Variants in KCNQ3 observed in about 807,000 individuals in gnomAD.
KCNQ3 encodes potassium voltage-gated channel subfamily Q member 3, also known as potassium voltage-gated channel subfamily KQT member 3.
Under a neutral mutation model 92.5 loss-of-function variants are expected in KCNQ3, and 30 were observed. That is an observed-to-expected ratio of 0.32 (90% CI 0.24 to 0.44). The LOEUF is 0.44. KCNQ3 is among the 20% of genes least tolerant of loss of function. KCNQ3 has a pLI of 1.00. For missense variants in KCNQ3, 913 were observed against 1,140.3 expected, an observed-to-expected ratio of 0.80 and a Z score of 2.87; for synonymous variants, 450 against 468.8, an observed-to-expected ratio of 0.96 and a Z score of 0.52.
chr8:132,392,388 C>G (rs1820071399), intron 1 of KCNQ3, among the ~76,000 whole-genome samples: 1 of 152,094 alleles, frequency 6.6e-6, no homozygotes, highest in Non-Finnish European at 1.5e-5. Flanking sequence ...CATGCGCTCT[C>G]CTCTTCCTAA....
At chr8:132,287,034 T>C (rs1391620985) in intron 1 of KCNQ3, among the ~76,000 whole-genome samples, 4 of 152,162 alleles carry the variant, frequency 2.6e-5, no homozygotes, top group Non-Finnish European at 5.9e-5. Flanking sequence ...CAAGCCAAAA[T>C]AAACCTCTTT....
At position 132,370,744 on chromosome 8, in the gene KCNQ3, A is replaced by T. The variant is rs189471150; in HGVS notation, c.386+109403T>A. 5.4e-4 allele frequency among the ~76,000 whole-genome samples: 82 copies of T among 152,310 alleles called. 1 individual carries two copies. The highest frequency in any genetic ancestry group is 4.7e-3 in the Admixed American group (72 of 15,302). On this transcript the variant is annotated intron_variant, in intron 1 of 14. Transcript: ENST00000388996. ...CTTACTGGTACTATTGGAAATAATA[A>T]TTTGTTAATAAAAATATTAACAATA...
intron 1 of KCNQ3, among the ~76,000 whole-genome samples, chr8:132,441,654 G>A (rs1025458381): frequency 5.3e-5 from 8 of 152,164 alleles, no homozygotes; most frequent in African/African-American, 9.7e-5. Context: ...TGGGATTGCT[G>A]GGTTGAATGG....
intron 1 of KCNQ3, among the ~76,000 whole-genome samples, chr8:132,357,487 G>A (rs1297960605): frequency 6.6e-6 from 1 of 152,168 alleles, no homozygotes; most frequent in East Asian, 1.9e-4. Context: ...CACCAGGGTC[G>A]CTCTCTGCCC....
At chr8:132,348,168 C>T (rs1275064379) in intron 1 of KCNQ3, among the ~76,000 whole-genome samples, 1 of 151,776 alleles carries the variant, frequency 6.6e-6, no homozygotes, top group Non-Finnish European at 1.5e-5. Flanking sequence ...AACTCTAAGT[C>T]CCACCCTAGG....
At chr8:132,290,247 T>C (rs1586899714) in intron 1 of KCNQ3, among the ~76,000 whole-genome samples, 1 of 152,206 alleles carries the variant, frequency 6.6e-6, no homozygotes, top group Non-Finnish European at 1.5e-5. Context: ...ATGTCTTGTA[T>C]TCCTTGAGGT....
intron 1 of KCNQ3, among the ~76,000 whole-genome samples, chr8:132,361,729 A>G (rs1819178618): frequency 6.6e-6 from 1 of 152,208 alleles, no homozygotes; most frequent in Non-Finnish European, 1.5e-5. Flanking sequence ...CAGAAAAACA[A>G]AATTCTTAAT....
At chr8:132,372,567 C>T (rs926228031) in intron 1 of KCNQ3, among the ~76,000 whole-genome samples, 6 of 151,876 alleles carry the variant, frequency 4.0e-5, no homozygotes, top group African/African-American at 1.5e-4. Flanking sequence ...ACCAGCCTGA[C>T]CAACATGGTG....
At chr8:132,292,827 T>A (rs1422562032) in intron 1 of KCNQ3, among the ~76,000 whole-genome samples, 1 of 152,284 alleles carries the variant, frequency 6.6e-6, no homozygotes, top group East Asian at 1.9e-4. Flanking sequence ...AGTGCCAGAC[T>A]CTAATCTGAT....
At chr8:132,149,118 T>C (rs541490852) in intron 9 of KCNQ3, among the ~76,000 whole-genome samples, 1 of 152,366 alleles carries the variant, frequency 6.6e-6, no homozygotes, top group East Asian at 1.9e-4. Context: ...GGGACATGGT[T>C]GTGCTTCTTA....
intron 1 of KCNQ3, among the ~76,000 whole-genome samples, chr8:132,244,382 G>C (rs1361263035): frequency 6.6e-6 from 1 of 151,356 alleles, no homozygotes; most frequent in Non-Finnish European, 1.5e-5. Context: ...GACAGAGAGA[G>C]AAAGGAAGTG....
At chr8:132,380,008 G>C (rs1436949528) in intron 1 of KCNQ3, among the ~76,000 whole-genome samples, 1 of 151,470 alleles carries the variant, frequency 6.6e-6, no homozygotes, top group East Asian at 1.9e-4. Flanking sequence ...ACAATGTATA[G>C]ATATACAACC....
intron 1 of KCNQ3, among the ~76,000 whole-genome samples, chr8:132,353,688 G>A (rs1250471263): frequency 6.6e-6 from 1 of 151,694 alleles, no homozygotes; most frequent in Non-Finnish European, 1.5e-5. Flanking sequence ...GTGGCGCACG[G>A]CTGTAATCTC....
rs868409343 is a variant in KCNQ3 at position 132,186,935 on chromosome 8, A to T, written c.387-754T>A. Among the ~76,000 whole-genome samples, 455 of 98,564 alleles carry T rather than the reference A, an allele frequency of 4.6e-3. 5 individuals are homozygous for T. Among genetic ancestry groups the T allele is most frequent in the East Asian group, 0.023 (89 of 3,946 alleles). The allele number at this position is 98,564 out of a possible 152,430, so 64.7% of individuals were successfully genotyped here. On this transcript the variant is annotated intron_variant, in intron 1 of 14. Transcript: ENST00000388996. ...GTGTGTGTGTGTGTGTGTGTGTGTG[A>T]GAGAGAGAGAGAGAGAGAGACAGAG... is the stretch of plus-strand genomic sequence containing the variant.
chr8:132,472,376 T>C (rs959967149), intron 1 of KCNQ3, among the ~76,000 whole-genome samples: 1 of 152,132 alleles, frequency 6.6e-6, no homozygotes, highest in Non-Finnish European at 1.5e-5. Context: ...TATCAATGGA[T>C]GCACAGATAA....
At chr8:132,284,873 C>A (rs1816631933) in intron 1 of KCNQ3, among the ~76,000 whole-genome samples, 1 of 152,146 alleles carries the variant, frequency 6.6e-6, no homozygotes, top group African/African-American at 2.4e-5. Context: ...TGAATTAATT[C>A]CCATGAGGGT....
chr8:132,349,103 C>T (rs1412780335), intron 1 of KCNQ3, among the ~76,000 whole-genome samples: 1 of 152,218 alleles, frequency 6.6e-6, no homozygotes, highest in Non-Finnish European at 1.5e-5. Flanking sequence ...AGCCCTTCCA[C>T]ACTTCCGCCC....
intron 9 of KCNQ3, among the ~76,000 whole-genome samples, chr8:132,159,477 T>C (rs1374423847): frequency 6.6e-6 from 1 of 152,074 alleles, no homozygotes; most frequent in East Asian, 1.9e-4. Context: ...GGGGTAGAGA[T>C]TGTCCAGGGT....
chr8:132,229,260 C>CAA (rs377431481), intron 1 of KCNQ3, among the ~76,000 whole-genome samples: 1,534 of 118,860 alleles, frequency 0.013, 14 homozygotes, highest in South Asian at 0.048. Flanking sequence ...GACTCCGTCT[C>CAA]AAAAAAAAAA....
Sources: allele counts gnomAD v4.1 joint callset (sites outside exome capture counted in the v4.1 genomes callset), GRCh38; gene constraint gnomAD v4.1.1; transcripts MANE v1.5; gene names NCBI Gene and HGNC (gene_info 2026-07-23, HGNC 2026-07-21).